Variants in TLK1 observed in about 807,000 individuals in gnomAD.
The protein encoded by TLK1 is tousled like kinase 1, also known as serine/threonine-protein kinase tousled-like 1.
A neutral mutation model predicts 105.3 loss-of-function variants in TLK1; 24 were observed. The observed-to-expected ratio is 0.23, with a 90% CI of 0.17 to 0.32. The LOEUF is 0.32. TLK1 is among the 10% of genes least tolerant of loss of function. TLK1 has a pLI of 1.00. For missense variants in TLK1, 558 were observed against 910.5 expected (o/e 0.61, Z 4.98); for synonymous variants, 321 against 310.4 (o/e 1.03, Z -0.36).
chr2:171,086,095 A>G (rs933304585), intron 2 of TLK1, among the ~76,000 whole-genome samples: 3 of 152,236 alleles, frequency 2.0e-5, no homozygotes, highest in African/African-American at 7.2e-5. Flanking sequence ...AAAAAACCTT[A>G]TAATCCTGAG....
At chr2:171,121,947 T>TTTTG (rs1165572104) in intron 1 of TLK1, among the ~76,000 whole-genome samples, 1 of 152,058 alleles carries the variant, frequency 6.6e-6, no homozygotes, top group Non-Finnish European at 1.5e-5. Flanking sequence ...TCTAATTACT[T>TTTTG]TTTGTTTGTT....
chr2:171,068,940 A>G (rs377154913), intron 3 of TLK1, among the ~76,000 whole-genome samples: 1 of 152,336 alleles, frequency 6.6e-6, no homozygotes, highest in South Asian at 2.1e-4. Context: ...CATCTTTCTA[A>G]TATTTTTTAA....
chr2:171,092,840 G>C (rs1448694070), intron 2 of TLK1, among the ~76,000 whole-genome samples: 1 of 151,990 alleles, frequency 6.6e-6, no homozygotes, highest in African/African-American at 2.4e-5. Context: ...GAAGCAACTA[G>C]ATGGGTACAT....
chr2:171,063,249 A>G (rs933223364), intron 3 of TLK1, among the ~76,000 whole-genome samples: 1 of 151,980 alleles, frequency 6.6e-6, no homozygotes, highest in Non-Finnish European at 1.5e-5. Flanking sequence ...GGGAGGCTGA[A>G]GCACAAGACT....
upstream of TLK1, among the ~76,000 whole-genome samples, chr2:171,162,838 T>C (rs1351240208): frequency 6.6e-6 from 1 of 152,206 alleles, no homozygotes; most frequent in African/African-American, 2.4e-5. Flanking sequence ...TTACTCTGTT[T>C]TGCCCAGGCT....
chr2:171,171,360 A>C (rs1692721839), intron 1 of TLK1, among the ~76,000 whole-genome samples: 1 of 152,114 alleles, frequency 6.6e-6, no homozygotes, highest in Non-Finnish European at 1.5e-5. Context: ...TCTGGAAAAA[A>C]AAAAGAAAAG....
chr2:171,008,838 TC>T (rs35176203), intron 14 of TLK1, among the ~76,000 whole-genome samples: 148,202 of 152,302 alleles, frequency 0.97, 72,207 homozygotes, highest in East Asian at 1. Flanking sequence ...ACAAAAGTCC[TC>T]ACCTATGAGG....
chr2:171,071,195 T>C (rs1688238271), intron 3 of TLK1, among the ~76,000 whole-genome samples: 1 of 152,234 alleles, frequency 6.6e-6, no homozygotes, highest in African/African-American at 2.4e-5. Context: ...ATGGATAGTT[T>C]GCAAATATTT....
chr2:171,036,732 T>C (rs1225861089), intron 11 of TLK1, among the ~76,000 whole-genome samples: 2 of 152,216 alleles, frequency 1.3e-5, no homozygotes, highest in Non-Finnish European at 2.9e-5. Context: ...GGGTGGATTA[T>C]ACCCCAAGTC....
intron 1 of TLK1, among the ~76,000 whole-genome samples, chr2:171,184,165 G>A (rs1692978993): frequency 6.6e-6 from 1 of 152,114 alleles, no homozygotes; most frequent in African/African-American, 2.4e-5. Context: ...AAGGAACGAG[G>A]GTGGCTTCTA....
chr2:171,145,263 G>T (rs1452780597), intron 1 of TLK1, among the ~76,000 whole-genome samples: 2 of 151,846 alleles, frequency 1.3e-5, no homozygotes, highest in African/African-American at 4.8e-5. Context: ...AGCCGAGATC[G>T]CACCACTGCG....
intron 5 of TLK1, among the ~76,000 whole-genome samples, 156 bp from the exon 6 acceptor site, chr2:171,056,722 C>A (rs1291590291): frequency 2.0e-5 from 3 of 150,950 alleles, no homozygotes; most frequent in Non-Finnish European, 4.4e-5. Context: ...CAAGGTCAGC[C>A]AAGTCCTAAA....
At position 171,160,717 on chromosome 2, in the gene TLK1, A is replaced by AG. The variant is rs1467764291; in HGVS notation, c.-290dup. On this transcript the variant is annotated 5_prime_UTR_variant, in exon 1 of 21. Transcript: ENST00000431350. The surrounding 1 kb of genome is among the most constrained non-coding windows in gnomAD (Gnocchi z 4.4). ...AAGGAGCGCGGCGGCGGAGGCGTCG[A>AG]GGGGGTGCCAGCCGGGCCGGGGTCG... 4 of 452,858 alleles carry AG rather than the reference A, an allele frequency of 8.8e-6. No homozygotes were observed. Among genetic ancestry groups the AG allele is most frequent in the African/African-American group, 6.5e-5 (3 of 45,852 alleles). The allele number at this position is 452,858 out of a possible 1,614,324, so 28.1% of individuals were successfully genotyped here.
At chr2:171,117,548 T>C (rs556990746) in intron 2 of TLK1, among the ~76,000 whole-genome samples, 191 bp downstream of exon 2, 1 of 152,308 alleles carries the variant, frequency 6.6e-6, no homozygotes, top group East Asian at 1.9e-4. Context: ...TGAAACATAT[T>C]ATGCTGTATT....
At chr2:171,151,536 G>GC (rs1360945373) in intron 1 of TLK1, among the ~76,000 whole-genome samples, 22 of 143,990 alleles carry the variant, frequency 1.5e-4, no homozygotes, top group Non-Finnish European at 1.6e-4. Flanking sequence ...GTGCAGTGGC[G>GC]CCATCTCAGC....
Position 171,160,466 on chromosome 2 carries a change from C to A in TLK1, c.-38G>T. The A allele has an allele frequency of 6.4e-7, 1 of 1,573,798 alleles. No individual in the cohort carries two copies. Among genetic ancestry groups the A allele is most frequent in the Non-Finnish European group, 8.6e-7 (1 of 1,164,416 alleles). Reference sequence around the variant, plus strand: ...TGGGAACCCGACTCCCCCCCTGCGACGGCAGCGGCGGCAACGGCACCGGCA... The same window carrying A: ...TGGGAACCCGACTCCCCCCCTGCGAAGGCAGCGGCGGCAACGGCACCGGCA... On this transcript the variant is annotated 5_prime_UTR_variant, in exon 1 of 21. Transcript: ENST00000431350. This position sits in a 1 kb window ranked among gnomAD's most constrained non-coding sequence, Gnocchi z 4.4.
chr2:171,015,710 C>T (rs1486054860), intron 12 of TLK1, among the ~76,000 whole-genome samples: 2 of 90,050 alleles, frequency 2.2e-5, no homozygotes, highest in Non-Finnish European at 6.2e-5. Flanking sequence ...TATACACACA[C>T]ACACACACAC....
chr2:171,101,404 A>T (rs1334425652), intron 2 of TLK1, among the ~76,000 whole-genome samples: 5 of 151,128 alleles, frequency 3.3e-5, no homozygotes, highest in Non-Finnish European at 7.4e-5. Context: ...CACTCCATTG[A>T]TATAAAATGT....
At chr2:171,092,934 A>T in intron 2 of TLK1, among the ~76,000 whole-genome samples, 1 of 152,166 alleles carries the variant, frequency 6.6e-6, no homozygotes, top group Admixed American at 6.5e-5. Flanking sequence ...AGTTCCAAAG[A>T]GCTTGCTGAT....
Sources: gnomAD v4.1 joint callset for allele counts (sites outside exome capture counted in the v4.1 genomes callset) on GRCh38, gnomAD v4.1.1 for gene constraint, Gnocchi (gnomAD v3.1) non-coding constraint, MANE v1.5 for transcripts, NCBI Gene and HGNC (gene_info 2026-07-23, HGNC 2026-07-21) for gene names.